GABRB1: variants seen among roughly 807,000 people sequenced by gnomAD.
GABRB1 encodes gamma-aminobutyric acid receptor subunit beta-1.
A neutral mutation model predicts 51.6 loss-of-function variants in GABRB1; 17 were observed. That is an observed-to-expected ratio of 0.33 (90% CI 0.23 to 0.49). The LOEUF is 0.49. Ranked by LOEUF, GABRB1 falls within the 20% of genes least tolerant of loss-of-function variation. The pLI, the probability that GABRB1 is intolerant of heterozygous loss-of-function variation, is 0.99. For synonymous variants in GABRB1, 247 were observed against 218.9 expected (o/e 1.13, Z -1.14); for missense variants, 410 against 600.6 (o/e 0.68, Z 3.32).
intron 3 of GABRB1, among the ~76,000 whole-genome samples, chr4:47,054,385 C>G (rs1369453587): frequency 6.6e-6 from 1 of 152,162 alleles, no homozygotes. Context: ...CTAAAAGTCA[C>G]TTGAACTCTC....
intron 3 of GABRB1, 59 bp downstream of exon 3, chr4:47,032,543 T>G (rs1577841642): frequency 6.6e-7 from 1 of 1,516,474 alleles, no homozygotes; most frequent in Non-Finnish European, 9.2e-7. Flanking sequence ...AATGGACAGG[T>G]CCCTTTGCCC....
In GABRB1 at chr4:47,254,370, T is replaced by G. The variant is rs1008018744; in HGVS notation, c.462-65757T>G. 7.7e-4 allele frequency among the ~76,000 whole-genome samples: 92 copies of G among 119,920 alleles called. 1 individual carries two copies. The highest frequency in any genetic ancestry group is 2.7e-3 in the African/African-American group (82 of 30,556). 78.7% of individuals were successfully genotyped at this position (119,920 alleles called of 152,430 possible). On this transcript the variant is annotated intron_variant, in intron 4 of 8. Transcript: ENST00000295454. ...GATGTTTCTTTTCTTTGTTTTTTTT[T>G]TTTTTTTTTTTTTTTTTTTTTTGAG...
At chr4:47,012,024 T>C (rs961891635) in intron 1 of GABRB1, among the ~76,000 whole-genome samples, 1 of 152,158 alleles carries the variant, frequency 6.6e-6, no homozygotes, top group Non-Finnish European at 1.5e-5. Context: ...ACATTACAGA[T>C]ACAATTAAAG....
chr4:47,205,599 T>C (rs9762551), intron 4 of GABRB1, among the ~76,000 whole-genome samples: 130,884 of 152,112 alleles, frequency 0.86, 56,328 homozygotes, highest in Middle Eastern at 0.92. Flanking sequence ...CTGTAGGTCA[T>C]GCTCTCAGAT....
At chr4:47,285,165 T>C (rs1031840132) in intron 4 of GABRB1, among the ~76,000 whole-genome samples, 1 of 152,228 alleles carries the variant, frequency 6.6e-6, no homozygotes, top group South Asian at 2.1e-4. Context: ...ATTGAAAATG[T>C]GTACAGCACA....
chr4:47,106,767 A>AGAATTAC (rs2109618538), intron 3 of GABRB1, among the ~76,000 whole-genome samples: 1 of 152,236 alleles, frequency 6.6e-6, no homozygotes, highest in South Asian at 2.1e-4. Flanking sequence ...ATGTTTAGTC[A>AGAATTAC]TCAATGATTG....
chr4:47,283,738 C>T (rs1723392232), intron 4 of GABRB1, among the ~76,000 whole-genome samples: 1 of 151,890 alleles, frequency 6.6e-6, no homozygotes, highest in Non-Finnish European at 1.5e-5. Flanking sequence ...TTTGGAATAG[C>T]TGCTTGAGTT....
At chr4:47,159,133 A>AAG (rs1340949441) in intron 3 of GABRB1, among the ~76,000 whole-genome samples, 1 of 151,180 alleles carries the variant, frequency 6.6e-6, no homozygotes, top group Admixed American at 6.6e-5. Context: ...AGAAAAAAAA[A>AAG]ATAGCCAGGT....
chr4:47,128,872 TGA>T (rs1716283673), intron 3 of GABRB1, among the ~76,000 whole-genome samples: 2 of 152,192 alleles, frequency 1.3e-5, no homozygotes, highest in Non-Finnish European at 2.9e-5. Context: ...ACCCTGAGCT[TGA>T]TTATATTGAC....
rs1160498538 is a variant in GABRB1, at chr4:47,354,989, T to G, written c.544+34780T>G. ...CTTTCTTTCTTCCTTTGTTTTTTTT[T>G]TTTTTTTTTTTTTTTTGACAGAATC... On this transcript the variant is annotated intron_variant, in intron 5 of 8. Transcript: ENST00000295454. Among the ~76,000 whole-genome samples, 4 of 130,366 alleles carry G rather than the reference T, an allele frequency of 3.1e-5. 1 individual carries two copies. Among genetic ancestry groups the G allele is most frequent in the Admixed American group, 7.6e-5 (1 of 13,126 alleles). 85.5% of individuals were successfully genotyped at this position (130,366 alleles called of 152,430 possible).
At chr4:47,004,528 T>A (rs1415555169) in intron 1 of GABRB1, among the ~76,000 whole-genome samples, 2 of 151,400 alleles carry the variant, frequency 1.3e-5, no homozygotes, top group East Asian at 1.9e-4. Context: ...ATTAATACTT[T>A]AAAAAAAAAG....
intron 1 of GABRB1, among the ~76,000 whole-genome samples, chr4:46,995,963 T>C (rs1383169069): frequency 6.6e-6 from 1 of 152,148 alleles, no homozygotes; most frequent in Non-Finnish European, 1.5e-5. Context: ...CTCTTCTCAT[T>C]TTATTTCACA....
chr4:47,077,743 T>C (rs1335526506), intron 3 of GABRB1, among the ~76,000 whole-genome samples: 2 of 150,264 alleles, frequency 1.3e-5, no homozygotes, highest in Admixed American at 1.3e-4. Context: ...AAAATTAGCT[T>C]ATCAGAGACC....
At chr4:47,237,687 G>A (rs1464863496) in intron 4 of GABRB1, among the ~76,000 whole-genome samples, 1 of 151,920 alleles carries the variant, frequency 6.6e-6, no homozygotes, top group Non-Finnish European at 1.5e-5. Flanking sequence ...ATGAATGCAT[G>A]AGCAGGTATG....
chr4:47,206,242 A>G (rs1307826727), intron 4 of GABRB1, among the ~76,000 whole-genome samples: 1 of 152,028 alleles, frequency 6.6e-6, no homozygotes, highest in African/African-American at 2.4e-5. Flanking sequence ...GCTTGTTGCT[A>G]CGTTTTTATT....
intron 4 of GABRB1, among the ~76,000 whole-genome samples, chr4:47,264,323 A>G (rs561025202): frequency 6.6e-6 from 1 of 152,328 alleles, no homozygotes; most frequent in East Asian, 1.9e-4. Context: ...AGAGTTTTAT[A>G]TGCTGAAAAA....
intron 3 of GABRB1, among the ~76,000 whole-genome samples, chr4:47,124,463 C>T (rs1260715645): frequency 6.6e-6 from 1 of 152,090 alleles, no homozygotes; most frequent in Non-Finnish European, 1.5e-5. Flanking sequence ...TAAGAAGAAT[C>T]AGGCAAATAT....
intron 4 of GABRB1, among the ~76,000 whole-genome samples, chr4:47,195,285 T>G (rs930658979): frequency 6.6e-6 from 1 of 152,140 alleles, no homozygotes; most frequent in African/African-American, 2.4e-5. Context: ...GAGAATGGCG[T>G]GAACCCGGGA....
chr4:47,144,988 T>C (rs1295704918), intron 3 of GABRB1, among the ~76,000 whole-genome samples: 1 of 151,218 alleles, frequency 6.6e-6, no homozygotes, highest in African/African-American at 2.4e-5. Context: ...TGATTTGGAG[T>C]GGGGATTGGG....
Sources: gnomAD v4.1 joint callset for allele counts (sites outside exome capture counted in the v4.1 genomes callset) on GRCh38, gnomAD v4.1.1 for gene constraint, MANE v1.5 for transcripts, NCBI Gene and HGNC (gene_info 2026-07-23, HGNC 2026-07-21) for gene names.